CYP2C19: variants seen among roughly 807,000 people sequenced by gnomAD.
The protein encoded by CYP2C19 is cytochrome P450 family 2 subfamily C member 19, also known as cytochrome P450 2C19.
Under a neutral mutation model 40.9 loss-of-function variants are expected in CYP2C19, and 59 were observed. That is an observed-to-expected ratio of 1.44 (90% CI 1.17 to 1.79). The LOEUF (loss-of-function observed/expected upper bound fraction) is 1.79, where lower values mean the gene tolerates loss of function less well. Ranked by LOEUF, CYP2C19 falls within the 40% of genes most tolerant of loss-of-function variation. The pLI, the probability that CYP2C19 is intolerant of heterozygous loss-of-function variation, is 0.00. For missense variants in CYP2C19, 754 were observed against 596.9 expected (o/e 1.26, Z -2.74); for synonymous variants, 253 against 208.7 (o/e 1.21, Z -1.83).
At position 94,853,005 on chromosome 10, in the gene CYP2C19, C is replaced by T. The variant is rs1365818609; in HGVS notation, c.*91C>T. On this transcript the variant is annotated 3_prime_UTR_variant, in exon 9 of 9. Coordinates refer to ENST00000371321, the MANE Select transcript of CYP2C19 (RefSeq NM_000769.4). ...TCACTATCTGTGATGCTTCTTCTGA[C>T]CCGTCATCTCACATTTTCCCTTCCC... 1.7e-5 allele frequency: 23 copies of T among 1,359,158 alleles called. No homozygotes were observed. Among genetic ancestry groups the T allele is most frequent in the Non-Finnish European group, 2.3e-5 (23 of 979,600 alleles). 84.2% of individuals were successfully genotyped at this position (1,359,158 alleles called of 1,614,324 possible).
At chr10:94,827,041 A>G (rs1849238049) in intron 6 of CYP2C19, among the ~76,000 whole-genome samples, 2 of 151,942 alleles carry the variant, frequency 1.3e-5, no homozygotes, top group Non-Finnish European at 2.9e-5. Context: ...AAGCTTTTTG[A>G]TGTGCTGCTG....
intron 8 of CYP2C19, among the ~76,000 whole-genome samples, 200 bp downstream of exon 8, chr10:94,850,258 C>G (rs1429282044): frequency 2.0e-5 from 3 of 152,066 alleles, no homozygotes; most frequent in African/African-American, 4.8e-5. Context: ...GAGAATTAAT[C>G]CAATTCTTCC....
At chr10:94,799,757 T>C (rs925936557) in intron 5 of CYP2C19, among the ~76,000 whole-genome samples, 1 of 152,166 alleles carries the variant, frequency 6.6e-6, no homozygotes, top group African/African-American at 2.4e-5. Flanking sequence ...ATTAATTTGA[T>C]ATTTGATCAC....
chr10:94,778,227 A>C (rs1848436167), intron 3 of CYP2C19, among the ~76,000 whole-genome samples: 1 of 152,202 alleles, frequency 6.6e-6, no homozygotes, highest in East Asian at 1.9e-4. Flanking sequence ...ATCAAAGGTC[A>C]GTTCCTGGTC....
intron 5 of CYP2C19, among the ~76,000 whole-genome samples, chr10:94,797,266 T>TTGGTTC (rs1848702963): frequency 6.6e-6 from 1 of 152,202 alleles, no homozygotes; most frequent in South Asian, 2.1e-4. Flanking sequence ...GTTTTTGTCT[T>TTGGTTC]TGGTTCTGTT....
At chr10:94,844,396 A>G (rs1849542376) in intron 7 of CYP2C19, among the ~76,000 whole-genome samples, 1 of 152,158 alleles carries the variant, frequency 6.6e-6, no homozygotes, top group Non-Finnish European at 1.5e-5. Flanking sequence ...TGTCAGTGTT[A>G]GCTTAGCTCT....
intron 7 of CYP2C19, among the ~76,000 whole-genome samples, chr10:94,845,505 A>C (rs1404609178): frequency 1.3e-5 from 2 of 152,212 alleles, no homozygotes; most frequent in African/African-American, 2.4e-5. Flanking sequence ...ATTTTCTGCA[A>C]AGATGCTCGA....
chr10:94,794,163 C>T (rs1302316596), intron 5 of CYP2C19, among the ~76,000 whole-genome samples: 1 of 152,146 alleles, frequency 6.6e-6, no homozygotes, highest in African/African-American at 2.4e-5. Context: ...CTGAGCCACG[C>T]ATGGGATATA....
chr10:94,775,925 G>A (rs1048672428), intron 3 of CYP2C19: 1 of 289,038 alleles, frequency 3.5e-6, no homozygotes, highest in Non-Finnish European at 6.6e-6. Context: ...TGGTGGAAAT[G>A]GCCCTATCAC....
At position 94,820,343 on chromosome 10, in the gene CYP2C19, C is replaced by A. The variant is rs56043006; in HGVS notation, c.820-153C>A. 5.8e-3 allele frequency among the ~76,000 whole-genome samples: 882 copies of A among 151,494 alleles called. 8 individuals carry two copies. Among genetic ancestry groups the A allele is most frequent in the African/African-American group, 0.02 (847 of 41,514 alleles). On this transcript the variant is annotated intron_variant, in intron 5 of 8. Transcript: ENST00000371321. ...TGAAAACTGGCACAAGACAGGGATG[C>A]CCTCTCTCACCGCTCCTATTCAATA...
At chr10:94,821,335 T>C (rs916798849) in intron 6 of CYP2C19, among the ~76,000 whole-genome samples, 1 of 152,186 alleles carries the variant, frequency 6.6e-6, no homozygotes, top group Admixed American at 6.5e-5. Flanking sequence ...ATAATTTTTC[T>C]CATTCTCAAA....
chr10:94,793,799 C>T (rs774774367), intron 5 of CYP2C19, among the ~76,000 whole-genome samples: 7 of 152,138 alleles, frequency 4.6e-5, no homozygotes, highest in South Asian at 2.1e-4. Context: ...TTAGGCTACT[C>T]GGGAGCCAGG....
intron 1 of CYP2C19, among the ~76,000 whole-genome samples, chr10:94,769,920 A>G (rs1848303132): frequency 6.6e-6 from 1 of 152,132 alleles, no homozygotes; most frequent in South Asian, 2.1e-4. Context: ...ATCCCTCCTT[A>G]ATAAGGGTGT....
intron 6 of CYP2C19, among the ~76,000 whole-genome samples, chr10:94,832,323 G>A (rs753435114): frequency 3.0e-4 from 46 of 152,186 alleles, no homozygotes; most frequent in Non-Finnish European, 6.2e-4. Context: ...GGCAAATGAG[G>A]AGAAAAGTCA....
Position 94,820,491 on chromosome 10 carries a change from C to A in CYP2C19, c.820-5C>A. 6.2e-7 allele frequency: 1 copy of A among 1,613,986 alleles called. No homozygotes were observed. Among genetic ancestry groups the A allele is most frequent in the Non-Finnish European group, 8.5e-7 (1 of 1,179,944 alleles). ...TGTCAGATAATTGCATCAAATCATT[C>A]CTAGGAAAAGCAAAACCAACAGTCT... is the stretch of plus-strand genomic sequence containing the variant. On this transcript the variant is annotated splice_polypyrimidine_tract_variant and splice_region_variant and intron_variant, in intron 5 of 8. Transcript: ENST00000371321.
chr10:94,808,276 T>C (rs947727853), intron 5 of CYP2C19, among the ~76,000 whole-genome samples: 1 of 151,974 alleles, frequency 6.6e-6, no homozygotes, highest in African/African-American at 2.4e-5. Context: ...AGATTTATAG[T>C]AATTTTTGTG....
At chr10:94,840,323 C>CA (rs1220559786) in intron 6 of CYP2C19, among the ~76,000 whole-genome samples, 1 of 150,612 alleles carries the variant, frequency 6.6e-6, no homozygotes, top group East Asian at 2.0e-4. Context: ...TTAGCCATTA[C>CA]AAACTTGGGG....
At chr10:94,774,882 AT>A in intron 1 of CYP2C19, 175 bp from the exon 2 acceptor site, 1 of 684,170 alleles carries the variant, frequency 1.5e-6, no homozygotes, top group South Asian at 2.0e-5. Context: ...ATCATAGGCC[AT>A]CTGAGTGGCA....
chr10:94,840,356 T>C (rs1849473258), intron 6 of CYP2C19, among the ~76,000 whole-genome samples: 1 of 151,490 alleles, frequency 6.6e-6, no homozygotes, highest in African/African-American at 2.4e-5. Context: ...TGGTGGGGAA[T>C]GGGTCCCACG....
Sources: allele counts gnomAD v4.1 joint callset (sites outside exome capture counted in the v4.1 genomes callset), GRCh38; gene constraint gnomAD v4.1.1; transcripts MANE v1.5; gene names NCBI Gene and HGNC (gene_info 2026-07-23, HGNC 2026-07-21).